ARMH4: variants seen among roughly 807,000 people sequenced by gnomAD.
ARMH4 encodes the protein armadillo like helical domain containing 4, also known as armadillo-like helical domain-containing protein 4.
ARMH4 carries 49 observed loss-of-function variants against 61.9 expected under a neutral mutation model. That is an observed-to-expected ratio of 0.79 (90% confidence interval 0.63 to 1.00). The LOEUF (loss-of-function observed/expected upper bound fraction) is 1.00. Ranked by LOEUF, ARMH4 falls within the 50% of genes least tolerant of loss-of-function variation. ARMH4 has a pLI of 0.00. For synonymous variants in ARMH4, 368 were observed against 341.5 expected (o/e 1.08, Z -0.85); for missense variants, 934 against 930.0 (o/e 1.00, Z -0.06).
chr14:58,066,346 G>T (rs1884699291), intron 5 of ARMH4, among the ~76,000 whole-genome samples: 1 of 152,180 alleles, frequency 6.6e-6, no homozygotes, highest in Admixed American at 6.6e-5. Flanking sequence ...AGTAAACAGG[G>T]AATCCAGAAT....
At chr14:58,150,564 G>A (rs957077989) in intron 1 of ARMH4, among the ~76,000 whole-genome samples, 1 of 152,140 alleles carries the variant, frequency 6.6e-6, no homozygotes, top group Non-Finnish European at 1.5e-5. Context: ...AGGTCTGGCA[G>A]GAAACTCCGG....
chr14:58,114,598 T>A (rs148539713), intron 4 of ARMH4, among the ~76,000 whole-genome samples: 189 of 152,332 alleles, frequency 1.2e-3, no homozygotes, highest in African/African-American at 4.4e-3. Context: ...ATCATCCATT[T>A]TATCTACTGT....
chr14:58,022,824 A>G (rs1402583610), intron 5 of ARMH4, among the ~76,000 whole-genome samples: 1 of 152,202 alleles, frequency 6.6e-6, no homozygotes, highest in Admixed American at 6.5e-5. Flanking sequence ...CCTTGGAGAT[A>G]TTGTAGGTTC....
intron 1 of ARMH4, among the ~76,000 whole-genome samples, chr14:58,140,671 C>T (rs906136769): frequency 4.6e-5 from 7 of 151,790 alleles, no homozygotes; most frequent in South Asian, 2.1e-4. Flanking sequence ...GATACCAAGG[C>T]GGGCGGATCA....
chr14:58,132,581 C>CTTTTTTTTTTTTTTTTTTT (rs71448942), intron 3 of ARMH4, among the ~76,000 whole-genome samples: 1 of 86,022 alleles, frequency 1.2e-5, no homozygotes, highest in Non-Finnish European at 2.3e-5. Context: ...ACCCTTGTCC[C>CTTTTTTTTTTTTTTTTTTT]TTTTTTTTTT....
chr14:58,142,088 AG>A (rs1435589568), intron 1 of ARMH4, among the ~76,000 whole-genome samples: 5 of 152,170 alleles, frequency 3.3e-5, no homozygotes, highest in African/African-American at 9.6e-5. Context: ...TTTGCTGAGT[AG>A]GGCCTTTTCT....
chr14:58,104,544 G>A (rs1886106773), intron 4 of ARMH4, among the ~76,000 whole-genome samples: 2 of 152,078 alleles, frequency 1.3e-5, no homozygotes, highest in African/African-American at 4.8e-5. Context: ...TCCAGAAAAT[G>A]TTCTTTTTAT....
chr14:58,124,962 C>T (rs1886849620), intron 4 of ARMH4, among the ~76,000 whole-genome samples: 2 of 152,104 alleles, frequency 1.3e-5, no homozygotes, highest in African/African-American at 4.8e-5. Context: ...GTCCTCCATG[C>T]CCATGCAGCA....
intron 5 of ARMH4, among the ~76,000 whole-genome samples, chr14:58,034,302 T>C (rs1594708027): frequency 8.3e-6 from 1 of 120,384 alleles, no homozygotes; most frequent in Non-Finnish European, 1.8e-5. Context: ...CCAGCCAAAC[T>C]AAGCTTCATA....
intron 4 of ARMH4, among the ~76,000 whole-genome samples, chr14:58,103,739 C>T (rs1259042693): frequency 1.2e-4 from 19 of 152,092 alleles, no homozygotes; most frequent in Admixed American, 1.2e-3. Flanking sequence ...AGCTGTGAGC[C>T]ACTGTGTCTG....
At chr14:58,062,892 A>G (rs1389367175) in intron 5 of ARMH4, among the ~76,000 whole-genome samples, 1 of 152,214 alleles carries the variant, frequency 6.6e-6, no homozygotes, top group African/African-American at 2.4e-5. Flanking sequence ...CAGCTTGGCC[A>G]TGAAGGGGAG....
intron 5 of ARMH4, among the ~76,000 whole-genome samples, chr14:58,088,889 T>C (rs1479049253): frequency 2.0e-5 from 3 of 152,178 alleles, no homozygotes; most frequent in Non-Finnish European, 4.4e-5. Flanking sequence ...CAGCAACACT[T>C]CTGAAAATGC....
intron 5 of ARMH4, among the ~76,000 whole-genome samples, chr14:58,049,735 A>G (rs529773589): frequency 6.6e-6 from 1 of 152,294 alleles, no homozygotes; most frequent in African/African-American, 2.4e-5. Context: ...AAATAAACAA[A>G]GGCATTAATT....
chr14:58,073,030 A>G (rs1884935508), intron 5 of ARMH4, among the ~76,000 whole-genome samples: 1 of 152,220 alleles, frequency 6.6e-6, no homozygotes, highest in South Asian at 2.1e-4. Flanking sequence ...TCAAATAAGC[A>G]GAAGGGACGA....
intron 5 of ARMH4, among the ~76,000 whole-genome samples, chr14:58,032,647 C>G (rs1430033825): frequency 6.6e-6 from 1 of 151,674 alleles, no homozygotes; most frequent in African/African-American, 2.4e-5. Flanking sequence ...GTACCGGGTT[C>G]ATCTCACTAG....
intron 5 of ARMH4, among the ~76,000 whole-genome samples, chr14:58,024,048 G>A (rs1290977951): frequency 6.6e-6 from 1 of 152,148 alleles, no homozygotes; most frequent in African/African-American, 2.4e-5. Context: ...AAGGGCCCTA[G>A]GATTTTAGGA....
chr14:58,138,658 G>T lies in ARMH4; in HGVS notation c.701C>A (p.Thr234Asn). Residue 234 changes from threonine (T) to asparagine (N), a missense_variant, in exon 2 of 8, where the codon ACT becomes AAT. Transcript: ENST00000267485. ...KFEADTDHRT[T>N]SFPGAESTAG... ...TGTGGACTCAGCACCAGGAAAAGAA[G>T]TTGTCCTGTGGTCTGTGTCTGCTTC... is the stretch of plus-strand genomic sequence containing the variant. The T allele has an allele frequency of 6.2e-7, 1 of 1,614,212 alleles. No homozygotes were observed. Among genetic ancestry groups the T allele is most frequent in the South Asian group, 1.1e-5 (1 of 91,084 alleles).
rs764670139 is a variant in ARMH4 at position 58,012,108 on chromosome 14, A to C, written c.2121+11T>G. On this transcript the variant is annotated intron_variant, in intron 6 of 7. Transcript: ENST00000267485. ...TAAAAATAAACCAATGGAAGAAAAT[A>C]CTTTTCTTACCTTGTCTTTTAATTT... The C allele has an allele frequency of 6.1e-6, 9 of 1,477,732 alleles. No individual in the cohort carries two copies. The highest frequency in any genetic ancestry group is 8.3e-6 in the Non-Finnish European group (9 of 1,079,340). The allele number at this position is 1,477,732 out of a possible 1,614,324, so 91.5% of individuals were successfully genotyped here.
At chr14:58,040,828 T>C (rs1169985982) in intron 5 of ARMH4, among the ~76,000 whole-genome samples, 3 of 152,204 alleles carry the variant, frequency 2.0e-5, no homozygotes, top group Non-Finnish European at 2.9e-5. Context: ...AAATCAGTTG[T>C]TATGGGCTGC....
Sources: allele counts gnomAD v4.1 joint callset (sites outside exome capture counted in the v4.1 genomes callset), GRCh38; gene constraint gnomAD v4.1.1; transcripts MANE v1.5; gene names NCBI Gene and HGNC (gene_info 2026-07-23, HGNC 2026-07-21).